Variants in TUFM observed in about 807,000 individuals in gnomAD.
The protein encoded by TUFM is Tu translation elongation factor, mitochondrial, also known as elongation factor Tu, mitochondrial.
TUFM carries 23 observed loss-of-function variants against 45.0 expected under a neutral mutation model. That is an observed-to-expected ratio of 0.51 (90% CI 0.37 to 0.72). The LOEUF is 0.72. Among genes scored for constraint, TUFM ranks in the 30% least tolerant of loss-of-function variants. The pLI, the probability that TUFM is intolerant of heterozygous loss-of-function variation, is 0.00. For missense variants in TUFM, 490 were observed against 610.7 expected, an observed-to-expected ratio of 0.80 and a Z score of 2.08; for synonymous variants, 243 against 252.9, an observed-to-expected ratio of 0.96 and a Z score of 0.37.
chr16:28,844,216 C>T lies in TUFM; in HGVS notation c.922+14G>A. The T allele has an allele frequency of 3.1e-6, 5 of 1,614,158 alleles. No homozygotes were observed. The highest frequency in any genetic ancestry group is 4.2e-6 in the Non-Finnish European group (5 of 1,179,980). ...CTTCAGCCAGGCCCTGCTCTCCAGA[C>T]TGGCTTCCCAAACCTGTCACCACAG... On this transcript the variant is annotated intron_variant, in intron 7 of 9. Coordinates refer to ENST00000313511, the MANE Select transcript of TUFM (RefSeq NM_003321.5). This position sits in a 1 kb window ranked among gnomAD's most constrained non-coding sequence, Gnocchi z 5.8.
Position 28,845,891 on chromosome 16 carries a change from G to A in TUFM, c.247+21C>T, listed in dbSNP as rs749225199. Reference sequence around the variant, plus strand: ...TCCCATCAGTAGATAGGGCGCTGCTGGACGCCCCAACCCCACTCACTCTTC... The same window carrying A: ...TCCCATCAGTAGATAGGGCGCTGCTAGACGCCCCAACCCCACTCACTCTTC... On this transcript the variant is annotated intron_variant, in intron 2 of 9. Transcript: ENST00000313511. 16 of 1,612,750 alleles carry A rather than the reference G, an allele frequency of 9.9e-6. No individual in the cohort carries two copies. In the Middle Eastern group the frequency reaches 5.3e-4, roughly 53 times the overall value.
chr16:28,844,930 C>T lies in TUFM; in HGVS notation c.519+21G>A, dbSNP rs773916367. On this transcript the variant is annotated intron_variant, in intron 4 of 9. Transcript: ENST00000313511. The surrounding 1 kb of genome is among the most constrained non-coding windows in gnomAD (Gnocchi z 5.8). ...AACTCCCCACTCTTCCCTTTTGCAT[C>T]CTTACCCAGGCTCTGAGTACCTGTC... is the stretch of plus-strand genomic sequence containing the variant. The T allele has an allele frequency of 8.5e-5, 137 of 1,614,040 alleles. No homozygotes were observed. Among genetic ancestry groups the T allele is most frequent in the Non-Finnish European group, 1.1e-4 (126 of 1,180,034 alleles).
chr16:28,846,176 C>G (rs766173982), intron 1 of TUFM, 42 bp downstream of exon 1: 13 of 1,596,520 alleles, frequency 8.1e-6, no homozygotes, highest in Non-Finnish European at 1.1e-5. Flanking sequence ...ACCACTCCCC[C>G]AAAGTGTTCC....
chr16:28,843,703 C>A (rs757891965), intron 9 of TUFM, 33 bp downstream of exon 9: 2 of 1,611,822 alleles, frequency 1.2e-6, no homozygotes, highest in Non-Finnish European at 1.7e-6. Context: ...AAAAAGTCCC[C>A]CCTCCACCCT....
rs781012846 is a variant in TUFM at position 28,844,341 on chromosome 16, G to A, written c.818-7C>T. ...GTCACCACGGTGCCACGGCCTGGGA[G>A]GGAATAAGACAGGATATCAGGGACC... is the stretch of plus-strand genomic sequence containing the variant. On this transcript the variant is annotated splice_polypyrimidine_tract_variant and splice_region_variant and intron_variant, in intron 6 of 9. Transcript: ENST00000313511. This position sits in a 1 kb window ranked among gnomAD's most constrained non-coding sequence, Gnocchi z 5.8. 1 of 1,614,186 alleles carries A rather than the reference G, an allele frequency of 6.2e-7. No homozygotes were observed. The highest frequency in any genetic ancestry group is 8.5e-7 in the Non-Finnish European group (1 of 1,180,022).
In TUFM at chr16:28,846,289, G is replaced by GGGAGCCGGGACCA. The variant is rs1367486072; in HGVS notation, c.-33_-21dup. 1 of 1,550,434 alleles carries GGGAGCCGGGACCA rather than the reference G, an allele frequency of 6.4e-7. No individual in the cohort carries two copies. Among genetic ancestry groups the GGGAGCCGGGACCA allele is most frequent in the East Asian group, 2.4e-5 (1 of 40,976 alleles). ...GGTCATACTCGCGCCCCGGTAACCGGGGAGCCGGGACCAGGAGCCCGAGCG... is the reference window on the plus strand; with the variant it reads ...GGTCATACTCGCGCCCCGGTAACCGGGGAGCCGGGACCAGGAGCCGGGACCAGGAGCCCGAGCG... On this transcript the variant is annotated 5_prime_UTR_variant, in exon 1 of 10. Transcript: ENST00000313511.
chr16:28,842,786 C>T lies in TUFM; in HGVS notation c.*189G>A. 1.4e-6 allele frequency: 1 copy of T among 736,618 alleles called. No individual in the cohort carries two copies. 45.6% of individuals were successfully genotyped at this position (736,618 alleles called of 1,614,324 possible). On this transcript the variant is annotated 3_prime_UTR_variant, in exon 10 of 10. Transcript: ENST00000313511. ...TTGCACAAAGGACACAGGACACAGGCTGGCTTACTATTCAAAGTTTACTGA... is the reference window on the plus strand; with the variant it reads ...TTGCACAAAGGACACAGGACACAGGTTGGCTTACTATTCAAAGTTTACTGA...
rs762751091 is a variant in TUFM, at chr16:28,845,412, C to T, written c.316G>A (p.Ala106Thr). 4 of 1,614,130 alleles carry T rather than the reference C, an allele frequency of 2.5e-6. No homozygotes were observed. The South Asian group carries it at 3.3e-5, about 13-fold the overall frequency. The change falls in exon 3 of 10, where the codon GCT (alanine) becomes ACT (threonine). Residue 106 changes from alanine (A) to threonine (T), a missense_variant. Transcript: ENST00000313511. ...GCCGCATTGATGGTGATACCCCGAG[C>T]TCGCTCCTCCGGGGCATTGTCAATC... is the stretch of plus-strand genomic sequence containing the variant. Reference protein sequence around the residue: ...EEIDNAPEERARGITINAAHV... With the variant: ...EEIDNAPEERTRGITINAAHV...
intron 1 of TUFM, 32 bp from the exon 2 acceptor site, chr16:28,846,138 G>T: frequency 6.2e-7 from 1 of 1,611,836 alleles, no homozygotes; most frequent in Non-Finnish European, 8.5e-7. Context: ...GTCAGGCAGG[G>T]AAGGGGTCAG....
In TUFM at chr16:28,843,137, C is replaced by T. The variant is rs1459478462; in HGVS notation, c.1206G>A (p.Met402Ile). 1 of 1,614,076 alleles carries T rather than the reference C, an allele frequency of 6.2e-7. No individual in the cohort carries two copies. Among genetic ancestry groups the T allele is most frequent in the African/African-American group, 1.3e-5 (1 of 74,916 alleles). ...GGTTGAACTTCAGGTCCTCCCCGGG[C>T]ATGGCAAGCTCCTAGAGTAGGAAGA... is the stretch of plus-strand genomic sequence containing the variant. ...IILPPEKELA[M>I]PGEDLKFNLI... Residue 402 changes from methionine (M) to isoleucine (I), a missense_variant, in exon 10 of 10, where the codon ATG becomes ATA. By Grantham distance (10) the Met-to-Ile change is conservative. Coordinates refer to ENST00000313511, the MANE Select transcript of TUFM (RefSeq NM_003321.5).
rs1219394495 is a variant in TUFM, at chr16:28,846,236, C to T, written c.34G>A (p.Ala12Thr). The T allele has an allele frequency of 6.4e-7, 1 of 1,571,548 alleles. No individual in the cohort carries two copies. The highest frequency in any genetic ancestry group is 8.6e-7 in the Non-Finnish European group (1 of 1,158,848). Residue 12 changes from alanine to threonine, a missense_variant, in exon 1 of 10, where the codon GCG becomes ACG. Physicochemically the swap from Ala to Thr is moderately conservative, Grantham distance 58. Coordinates refer to ENST00000313511, the MANE Select transcript of TUFM (RefSeq NM_003321.5). The part of the protein sequence containing the change: ...TTMAAATLLR[A>T]TPHFSGLAAG... ...CACTCACCGCTGAAGTGGGGCGTCG[C>T]GCGCAGCAGGGTGGCGGCCGCCATT...
chr16:28,844,814 G>A lies in TUFM; in HGVS notation c.568C>T (p.Gln190Ter), dbSNP rs764968635. 3.1e-6 allele frequency: 5 copies of A among 1,614,172 alleles called. No individual in the cohort carries two copies. Among genetic ancestry groups the A allele is most frequent in the South Asian group, 1.1e-5 (1 of 91,082 alleles). ...VVYVNKADAV[Q>*]DSEMVELVEL... ...ACCAGTTCCACCATCTCAGAGTCCT[G>A]GACAGCGTCAGCCTTGTTCACATAC... is the stretch of plus-strand genomic sequence containing the variant. Residue 190 changes from glutamine (Q) to a stop codon, truncating the protein, a stop_gained, in exon 5 of 10, where the codon CAG (glutamine) becomes TAG (stop). Transcript: ENST00000313511. LOFTEE classifies it high-confidence loss of function. This position sits in a 1 kb window ranked among gnomAD's most constrained non-coding sequence, Gnocchi z 5.8.
Position 28,845,377 on chromosome 16 carries a change from C to T in TUFM, c.351G>A (p.Glu117=). The T allele has an allele frequency of 1.2e-6, 2 of 1,613,954 alleles. No individual in the cohort carries two copies. Among genetic ancestry groups the T allele is most frequent in the East Asian group, 2.2e-5 (1 of 44,886 alleles). ...CGTAGTGGCGGGCGGCAGTGCTATA[C>T]TCCACATGAGCCGCATTGATGGTGA... The part of the protein sequence containing the change: ...RGITINAAHV[E]YSTAARHYAH... Residue 117 remains glutamate, a synonymous_variant, in exon 3 of 10, where the codon GAG becomes GAA. Transcript: ENST00000313511.
Position 28,846,071 on chromosome 16 carries a change from G to A in TUFM, c.88C>T (p.Leu30=), listed in dbSNP as rs541740118. 1.9e-6 allele frequency: 3 copies of A among 1,613,840 alleles called. No individual in the cohort carries two copies. Among genetic ancestry groups the A allele is most frequent in the African/African-American group, 1.3e-5 (1 of 75,060 alleles). The change falls in exon 2 of 10, where the codon CTG becomes TTG. Residue 30 remains leucine, a synonymous_variant. Coordinates refer to ENST00000313511, the MANE Select transcript of TUFM (RefSeq NM_003321.5). The part of the protein sequence containing the change: ...AAGRTFLLQG[L]LRLLKAPALP... ...GCCGGGGCTTTCAGCAGCCGCAACA[G>A]ACCCTGCAGCAGGAAGGTCCGGCCG...
Position 28,844,376 on chromosome 16 carries a change from G to C in TUFM, c.818-42C>G. On this transcript the variant is annotated intron_variant, in intron 6 of 9. Transcript: ENST00000313511. This position sits in a 1 kb window ranked among gnomAD's most constrained non-coding sequence, Gnocchi z 5.8. ...CAGGATATCAGGGACCCCGAGCTAG[G>C]CTTCTGCTAGAGAGAGTGCGTGGGA... 1 of 1,614,166 alleles carries C rather than the reference G, an allele frequency of 6.2e-7. No individual in the cohort carries two copies. Among genetic ancestry groups the C allele is most frequent in the Non-Finnish European group, 8.5e-7 (1 of 1,180,020 alleles).
rs1961830460 is a variant in TUFM, at chr16:28,842,598, T to C, written c.*377A>G. Reference sequence around the variant, plus strand: ...GGCTCCAGAGCGATAGAACATTCTTTCCCACTATCTCCCAGGAGGCTGAAT... The same window carrying C: ...GGCTCCAGAGCGATAGAACATTCTTCCCCACTATCTCCCAGGAGGCTGAAT... On this transcript the variant is annotated 3_prime_UTR_variant, in exon 10 of 10. Transcript: ENST00000313511. The C allele has an allele frequency of 6.2e-6, 2 of 321,340 alleles. No individual in the cohort carries two copies. Among genetic ancestry groups the C allele is most frequent in the Non-Finnish European group, 1.2e-5 (2 of 165,126 alleles). 19.9% of individuals were successfully genotyped at this position (321,340 alleles called of 1,614,324 possible).
Position 28,844,818 on chromosome 16 carries a change from A to C in TUFM, c.564T>G (p.Ala188=). 1 of 1,614,224 alleles carries C rather than the reference A, an allele frequency of 6.2e-7. No individual in the cohort carries two copies. Among genetic ancestry groups the C allele is most frequent in the Non-Finnish European group, 8.5e-7 (1 of 1,180,046 alleles). Residue 188 remains alanine, a synonymous_variant, in exon 5 of 10, where the codon GCT becomes GCG. Transcript: ENST00000313511. The surrounding 1 kb of genome is among the most constrained non-coding windows in gnomAD (Gnocchi z 5.8). ...GTTCCACCATCTCAGAGTCCTGGAC[A>C]GCGTCAGCCTTGTTCACATACACCA... ...HVVVYVNKAD[A]VQDSEMVELV...
chr16:28,845,897 C>T lies in TUFM; in HGVS notation c.247+15G>A. On this transcript the variant is annotated intron_variant, in intron 2 of 9. Coordinates refer to ENST00000313511, the MANE Select transcript of TUFM (RefSeq NM_003321.5). Reference sequence around the variant, plus strand: ...CAGTAGATAGGGCGCTGCTGGACGCCCCAACCCCACTCACTCTTCGTGATG... The same window carrying T: ...CAGTAGATAGGGCGCTGCTGGACGCTCCAACCCCACTCACTCTTCGTGATG... 6.2e-7 allele frequency: 1 copy of T among 1,613,220 alleles called. No homozygotes were observed. The highest frequency in any genetic ancestry group is 1.1e-5 in the South Asian group (1 of 91,020).
At position 28,845,442 on chromosome 16, in the gene TUFM, C is replaced by G; in HGVS notation, c.286G>C (p.Glu96Gln). The G allele has an allele frequency of 6.2e-7, 1 of 1,614,080 alleles. No individual in the cohort carries two copies. The highest frequency in any genetic ancestry group is 8.5e-7 in the Non-Finnish European group (1 of 1,180,006). ...TCCTCCGGGGCATTGTCAATCTCCT[C>G]GTACTTCTTGAACTTAGCCCCACCT... ...EGGGAKFKKYEEIDNAPEERA... is the reference protein window; with the variant it reads ...EGGGAKFKKYQEIDNAPEERA... Residue 96 changes from glutamate (E) to glutamine (Q), a missense_variant, in exon 3 of 10, where the codon GAG becomes CAG. Glu to Gln is a conservative substitution (Grantham distance 29). Coordinates refer to ENST00000313511, the MANE Select transcript of TUFM (RefSeq NM_003321.5).
Sources: allele counts gnomAD v4.1 joint callset, GRCh38; gene constraint gnomAD v4.1.1; non-coding constraint Gnocchi (gnomAD v3.1); transcripts MANE v1.5; gene names NCBI Gene and HGNC (gene_info 2026-07-23, HGNC 2026-07-21).